Variants in KCNB2 observed in about 807,000 individuals in gnomAD.
KCNB2 encodes potassium voltage-gated channel subfamily B member 2, also known as delayed rectifier potassium channel protein.
In KCNB2, 15 loss-of-function variants were observed where a neutral mutation model predicts 61.5. That is an observed-to-expected ratio of 0.24 (90% CI 0.16 to 0.38). The LOEUF (loss-of-function observed/expected upper bound fraction) is 0.38, where lower values mean the gene tolerates loss of function less well. Among genes scored for constraint, KCNB2 ranks in the 10% least tolerant of loss-of-function variants. The probability of loss-of-function intolerance (pLI) is 1.00; values close to 1 mark genes in which losing one functional copy is unlikely to be tolerated. For missense variants in KCNB2, 828 were observed against 1,125.2 expected (o/e 0.74, Z 3.78); for synonymous variants, 457 against 446.0 (o/e 1.02, Z -0.31).
At chr8:72,632,856 C>T (rs1805901948) in intron 2 of KCNB2, among the ~76,000 whole-genome samples, 1 of 152,182 alleles carries the variant, frequency 6.6e-6, no homozygotes. Context: ...TTAAACATAA[C>T]TTCCATGTGT....
At chr8:72,739,904 C>T (rs980360954) in intron 2 of KCNB2, among the ~76,000 whole-genome samples, 22 of 152,060 alleles carry the variant, frequency 1.4e-4, no homozygotes, top group Non-Finnish European at 2.8e-4. Context: ...TAAAGTTGTG[C>T]CATGTACAAT....
chr8:72,566,517 T>G lies in KCNB2; in HGVS notation c.-93-1125T>G, dbSNP rs113291216. On this transcript the variant is annotated intron_variant, in intron 1 of 2. Coordinates refer to ENST00000523207, the MANE Select transcript of KCNB2 (RefSeq NM_004770.3). The stretch of plus-strand genomic sequence containing the variant: ...GAATTTCAGACCAGCCTGGGAAATA[T>G]AGTGAGACCCTGTCTCTAAAAAAAA... Among the ~76,000 whole-genome samples, 872 of 143,964 alleles carry G rather than the reference T, an allele frequency of 6.1e-3. 8 individuals carry two copies. The highest frequency in any genetic ancestry group is 0.022 in the African/African-American group (826 of 37,990). 94.4% of individuals were successfully genotyped at this position (143,964 alleles called of 152,430 possible). A position where few individuals can be genotyped will look rare whatever the true frequency, so the allele number is the denominator to read the frequency against.
intron 2 of KCNB2, among the ~76,000 whole-genome samples, chr8:72,727,387 C>G (rs1807669964): frequency 1.3e-5 from 2 of 152,268 alleles, no homozygotes; most frequent in South Asian, 4.1e-4. Context: ...TTAACCAAGA[C>G]TTTTGCTCCT....
At chr8:72,808,300 A>G (rs1366769586) in intron 2 of KCNB2, among the ~76,000 whole-genome samples, 1 of 152,214 alleles carries the variant, frequency 6.6e-6, no homozygotes, top group Non-Finnish European at 1.5e-5. Context: ...TAATAATCTC[A>G]TAATATTTTT....
At chr8:72,886,803 C>T (rs1229386855) in intron 2 of KCNB2, among the ~76,000 whole-genome samples, 1 of 152,240 alleles carries the variant, frequency 6.6e-6, no homozygotes, top group Non-Finnish European at 1.5e-5. Flanking sequence ...GCAGCTGGCA[C>T]ATTGTGAACA....
intron 2 of KCNB2, among the ~76,000 whole-genome samples, chr8:72,867,665 C>T (rs1323621682): frequency 1.3e-5 from 2 of 152,168 alleles, no homozygotes; most frequent in Non-Finnish European, 2.9e-5. Context: ...TTTTTTGCTC[C>T]TGCTTGTTGA....
intron 2 of KCNB2, among the ~76,000 whole-genome samples, chr8:72,670,101 A>C (rs1434249177): frequency 6.6e-6 from 1 of 152,196 alleles, no homozygotes; most frequent in Non-Finnish European, 1.5e-5. Context: ...AATTGCTTCC[A>C]GCTCTAAAAG....
intron 1 of KCNB2, among the ~76,000 whole-genome samples, chr8:72,555,642 A>C (rs911953601): frequency 6.7e-6 from 1 of 148,870 alleles, no homozygotes; most frequent in African/African-American, 2.4e-5. Flanking sequence ...ATTAAAGAAG[A>C]ATTTTTTTTT....
chr8:72,897,002 G>A (rs1806000179), intron 2 of KCNB2, among the ~76,000 whole-genome samples: 1 of 152,030 alleles, frequency 6.6e-6, no homozygotes, highest in Admixed American at 6.6e-5. Context: ...TACAGACTAG[G>A]GTTGTGCTTG....
chr8:72,872,023 C>T lies in KCNB2; in HGVS notation c.580-63912C>T, dbSNP rs765159976. Among the ~76,000 whole-genome samples, 95 of 152,184 alleles carry T rather than the reference C, an allele frequency of 6.2e-4. 1 individual carries two copies. Among genetic ancestry groups the T allele is most frequent in the Admixed American group, 1.6e-3 (25 of 15,278 alleles). On this transcript the variant is annotated intron_variant, in intron 2 of 2. Transcript: ENST00000523207. ...GAGTTTCTCACTGATGGGACCAGTT[C>T]TTCATGCTCTTTTCTCAGCCTTAGA...
At chr8:72,712,224 A>G (rs937638466) in intron 2 of KCNB2, among the ~76,000 whole-genome samples, 4 of 152,208 alleles carry the variant, frequency 2.6e-5, no homozygotes, top group Non-Finnish European at 4.4e-5. Flanking sequence ...GAAGAGAGGA[A>G]AGGAAAAGGG....
chr8:72,698,222 CA>C (rs1166640121), intron 2 of KCNB2, among the ~76,000 whole-genome samples: 1 of 151,820 alleles, frequency 6.6e-6, no homozygotes, highest in Non-Finnish European at 1.5e-5. Flanking sequence ...TGTTCAAAAT[CA>C]AGCAAACTCA....
At chr8:72,569,819 G>A (rs1216027477) in intron 2 of KCNB2, among the ~76,000 whole-genome samples, 1 of 152,058 alleles carries the variant, frequency 6.6e-6, no homozygotes, top group Non-Finnish European at 1.5e-5. Flanking sequence ...CAAGCCTTTA[G>A]GCAACTAAGG....
intron 2 of KCNB2, among the ~76,000 whole-genome samples, chr8:72,780,756 T>G (rs1808739831): frequency 6.6e-6 from 1 of 152,224 alleles, no homozygotes; most frequent in Non-Finnish European, 1.5e-5. Flanking sequence ...GATTGCTGGG[T>G]TAAATGATAT....
intron 2 of KCNB2, among the ~76,000 whole-genome samples, chr8:72,569,711 A>C (rs149692298): frequency 0.012 from 1,792 of 152,260 alleles, 20 homozygotes; most frequent in Middle Eastern, 0.031. Context: ...GTTTAGGTAC[A>C]TACTCGAGTT....
intron 2 of KCNB2, among the ~76,000 whole-genome samples, chr8:72,863,099 A>G (rs2129004182): frequency 6.6e-6 from 1 of 152,332 alleles, no homozygotes; most frequent in South Asian, 2.1e-4. Flanking sequence ...CTCTCAAAAA[A>G]CCATACAATA....
At position 72,551,215 on chromosome 8, in the gene KCNB2, G is replaced by T. The variant is rs149072398; in HGVS notation, c.-94+13330G>T. ...CTCTCAATTAATTTTGCCCTTTTTT[G>T]TTGTTGTTGTTGTTTGTTTATTTTT... On this transcript the variant is annotated intron_variant, in intron 1 of 2. Transcript: ENST00000523207. Among the ~76,000 whole-genome samples the T allele has an allele frequency of 8.8e-3, 1,332 of 152,032 alleles. 16 individuals are homozygous for T. Among genetic ancestry groups the T allele is most frequent in the African/African-American group, 0.028 (1,157 of 41,458 alleles).
intron 2 of KCNB2, among the ~76,000 whole-genome samples, chr8:72,872,661 G>A (rs1339857431): frequency 6.6e-6 from 1 of 152,212 alleles, no homozygotes; most frequent in African/African-American, 2.4e-5. Context: ...ACACGGAAGA[G>A]AGAACAGTTT....
intron 2 of KCNB2, among the ~76,000 whole-genome samples, chr8:72,736,172 A>AT (rs1563575139): frequency 6.6e-6 from 1 of 151,806 alleles, no homozygotes; most frequent in Non-Finnish European, 1.5e-5. Context: ...ACTTAATGTG[A>AT]ATTGAAACAT....
Sources: gnomAD v4.1 joint callset for allele counts (sites outside exome capture counted in the v4.1 genomes callset) on GRCh38, gnomAD v4.1.1 for gene constraint, MANE v1.5 for transcripts, NCBI Gene and HGNC (gene_info 2026-07-23, HGNC 2026-07-21) for gene names.